SPTB: variants seen among roughly 807,000 people sequenced by gnomAD.
SPTB encodes spectrin beta, erythrocytic.
SPTB carries 45 observed loss-of-function variants against 256.2 expected under a neutral mutation model. That is an observed-to-expected ratio of 0.18 (90% CI 0.14 to 0.23). The LOEUF (loss-of-function observed/expected upper bound fraction) is 0.23, where lower values mean the gene tolerates loss of function less well. SPTB is among the 10% of genes least tolerant of loss of function. The pLI is 1.00. For synonymous variants in SPTB, 1,231 were observed against 1,243.1 expected (o/e 0.99, Z 0.21); for missense variants, 2,715 against 3,040.4 (o/e 0.89, Z 2.52).
intron 33 of SPTB, among the ~76,000 whole-genome samples, chr14:64,751,099 AAT>A (rs1001490559): frequency 2.7e-5 from 4 of 146,194 alleles, no homozygotes; most frequent in South Asian, 2.1e-4. Flanking sequence ...TATTATACAT[AAT>A]ATATATAATA....
chr14:64,848,521 T>C (rs1442812310), intron 1 of SPTB, among the ~76,000 whole-genome samples: 1 of 152,200 alleles, frequency 6.6e-6, no homozygotes, highest in East Asian at 1.9e-4. Flanking sequence ...AAGTAGTTGG[T>C]ACTGAGGCAC....
intron 10 of SPTB, 132 bp downstream of exon 10, chr14:64,797,597 A>C: frequency 1.2e-6 from 1 of 844,582 alleles, no homozygotes; most frequent in East Asian, 2.5e-5. Context: ...AACTCCCCCA[A>C]ATAGTCAACA....
rs229573 is a variant in SPTB, at chr14:64,760,271, A to G, written c.6345+6455T>C. Among the ~76,000 whole-genome samples the G allele has an allele frequency of 0.068, 10,368 of 151,966 alleles. 1,106 individuals are homozygous for G. Among genetic ancestry groups the G allele is most frequent in the African/African-American group, 0.23 (9,370 of 41,346 alleles). ...GCAGGGGTTGGGGTCTTCACAGAGG[A>G]TGTGCACAACAGGCCAGGGACATGG... On this transcript the variant is annotated intron_variant, in intron 32 of 35. Transcript: ENST00000644917. This position sits in a 1 kb window ranked among gnomAD's most constrained non-coding sequence, Gnocchi z 4.3.
At position 64,825,457 on chromosome 14, in the gene SPTB, G is replaced by A. The variant is rs1315492690; in HGVS notation, c.-51-2312C>T. ...GCCGGGAAAGATACCCCCCACCCCC[G>A]GCCCCACACCTTTCTCTATTTCCCT... On this transcript the variant is annotated intron_variant, in intron 1 of 35. Coordinates refer to ENST00000644917, the MANE Select transcript of SPTB (RefSeq NM_001355436.2). This position sits in a 1 kb window ranked among gnomAD's most constrained non-coding sequence, Gnocchi z 4.8. 2.3e-5 allele frequency among the ~76,000 whole-genome samples: 3 copies of A among 130,312 alleles called. No homozygotes were observed. Among genetic ancestry groups the A allele is most frequent in the South Asian group, 2.5e-4 (1 of 4,076 alleles). The allele number at this position is 130,312 out of a possible 152,430, so 85.5% of individuals were successfully genotyped here. A position where few individuals can be genotyped will look rare whatever the true frequency, so the allele number is the denominator to read the frequency against.
chr14:64,822,451 G>A (rs2139699440), intron 2 of SPTB, among the ~76,000 whole-genome samples: 1 of 128,704 alleles, frequency 7.8e-6, no homozygotes, highest in South Asian at 2.5e-4. Context: ...TCCAGTTTAA[G>A]GATGAAAGGT....
chr14:64,779,643 T>TTGCTCTGGGTGGCAGCCAGC lies in SPTB; in HGVS notation c.4473+62_4473+81dup. 1 of 1,517,016 alleles carries TTGCTCTGGGTGGCAGCCAGC rather than the reference T, an allele frequency of 6.6e-7. No individual in the cohort carries two copies. Among genetic ancestry groups the TTGCTCTGGGTGGCAGCCAGC allele is most frequent in the Non-Finnish European group, 9.1e-7 (1 of 1,093,916 alleles). The allele number at this position is 1,517,016 out of a possible 1,614,324, so 94.0% of individuals were successfully genotyped here. ...GTGACCAGTCATCTACTGCCAAAAA[T>TTGCTCTGGGTGGCAGCCAGC]TGCTCTGGGTGGCAGCCAGCTACTC... On this transcript the variant is annotated intron_variant, in intron 21 of 35. Transcript: ENST00000644917. The surrounding 1 kb of genome is among the most constrained non-coding windows in gnomAD (Gnocchi z 4.2).
At chr14:64,814,737 G>A (rs1037597509) in intron 2 of SPTB, among the ~76,000 whole-genome samples, 6 of 152,080 alleles carry the variant, frequency 3.9e-5, no homozygotes, top group African/African-American at 1.4e-4. Context: ...GGCTGGTCTC[G>A]AGCTCCTGGC....
rs1566786969 is a variant in SPTB, at chr14:64,822,373, C to CACACACACA, written c.148+573_148+574insTGTGTGTGT. On this transcript the variant is annotated intron_variant, in intron 2 of 35. Coordinates refer to ENST00000644917, the MANE Select transcript of SPTB (RefSeq NM_001355436.2). ...ACCTTCTCTCTCTCTCTCTCTCTCT[C>CACACACACA]TCACACACACACACACACACACACA... Among the ~76,000 whole-genome samples the CACACACACA allele has an allele frequency of 2.3e-5, 3 of 129,016 alleles. No homozygotes were observed. The East Asian group carries it at 7.3e-4, about 31-fold the overall frequency. 84.6% of individuals were successfully genotyped at this position (129,016 alleles called of 152,430 possible). A position where few individuals can be genotyped will look rare whatever the true frequency, so the allele number is the denominator to read the frequency against.
intron 33 of SPTB, chr14:64,752,200 G>A (rs573752256): frequency 1.3e-4 from 178 of 1,347,518 alleles, no homozygotes; most frequent in Middle Eastern, 1.3e-3. Flanking sequence ...AGCCCGAGCC[G>A]CTTCACTCAC....
chr14:64,749,487 G>A lies in SPTB; in HGVS notation c.6820-14C>T, dbSNP rs769100808. 7 of 1,598,582 alleles carry A rather than the reference G, an allele frequency of 4.4e-6. No homozygotes were observed. In the East Asian group the frequency reaches 1.3e-4, roughly 31 times the overall value. ...CAGCATCTCCTCCTGCGGGGCGGAG[G>A]GTCACGGTGGAGTCTGGAGGCCCAC... is the stretch of plus-strand genomic sequence containing the variant. On this transcript the variant is annotated splice_polypyrimidine_tract_variant and intron_variant, in intron 35 of 35. Transcript: ENST00000644917. The surrounding 1 kb of genome is among the most constrained non-coding windows in gnomAD (Gnocchi z 4.7).
rs959573642 is a variant in SPTB, at chr14:64,749,583, A to G, written c.6819+71T>C. ...GACTGCCCCTTCTGAGGGGGCCTCC[A>G]GGGCAAGCGGCCTGGGGTCCTCCAC... On this transcript the variant is annotated intron_variant, in intron 35 of 35. Coordinates refer to ENST00000644917, the MANE Select transcript of SPTB (RefSeq NM_001355436.2). The surrounding 1 kb of genome is among the most constrained non-coding windows in gnomAD (Gnocchi z 4.7). The G allele has an allele frequency of 3.1e-6, 5 of 1,608,704 alleles. No homozygotes were observed. In the Admixed American group the frequency reaches 8.3e-5, roughly 27 times the overall value.
chr14:64,859,169 G>A (rs571468435), intron 1 of SPTB, among the ~76,000 whole-genome samples: 15 of 152,272 alleles, frequency 9.9e-5, no homozygotes, highest in Non-Finnish European at 1.8e-4. Flanking sequence ...CACGAGAATC[G>A]CTTGAACCCA....
intron 2 of SPTB, among the ~76,000 whole-genome samples, chr14:64,819,797 G>C (rs1026055529): frequency 6.6e-6 from 1 of 152,208 alleles, no homozygotes; most frequent in African/African-American, 2.4e-5. Flanking sequence ...GTTGGGAAAA[G>C]AGAAAGGACA....
At chr14:64,766,356 G>A in intron 32 of SPTB, 1 of 1,250,440 alleles carries the variant, frequency 8.0e-7, no homozygotes, top group East Asian at 4.0e-5. Flanking sequence ...GTTGGAAAAT[G>A]GGGAAAAGGA....
At chr14:64,856,671 C>A (rs1415897274) in intron 1 of SPTB, among the ~76,000 whole-genome samples, 2 of 152,256 alleles carry the variant, frequency 1.3e-5, no homozygotes, top group Non-Finnish European at 2.9e-5. Flanking sequence ...TAACGCCTCC[C>A]AGGCAGAACG....
At chr14:64,801,446 C>T in intron 6 of SPTB, 46 bp from the exon 7 acceptor site, 1 of 1,425,016 alleles carries the variant, frequency 7.0e-7, no homozygotes, top group Non-Finnish European at 9.9e-7. Flanking sequence ...CACAGCATCC[C>T]CACCAGGAGG....
At chr14:64,831,136 C>T (rs229612) in intron 1 of SPTB, among the ~76,000 whole-genome samples, 13,945 of 152,030 alleles carry the variant, frequency 0.092, 1,405 homozygotes, top group African/African-American at 0.24. Flanking sequence ...AACTCCCCCT[C>T]CTCAGTCTCA....
chr14:64,761,136 A>G (rs933448486), intron 32 of SPTB, among the ~76,000 whole-genome samples: 2 of 152,194 alleles, frequency 1.3e-5, no homozygotes, highest in African/African-American at 4.8e-5. Flanking sequence ...GGGAGCCAGC[A>G]GCCAAGAAGT....
At chr14:64,843,052 G>A (rs61154050) in intron 1 of SPTB, among the ~76,000 whole-genome samples, 2 of 152,138 alleles carry the variant, frequency 1.3e-5, no homozygotes, top group East Asian at 3.9e-4. Context: ...GTGACAGAAT[G>A]AGACCCTGTC....
Sources: allele counts gnomAD v4.1 joint callset (sites outside exome capture counted in the v4.1 genomes callset), GRCh38; gene constraint gnomAD v4.1.1; non-coding constraint Gnocchi (gnomAD v3.1); transcripts MANE v1.5; gene names NCBI Gene and HGNC (gene_info 2026-07-23, HGNC 2026-07-21).